RPS6KA2: variants seen among roughly 807,000 people sequenced by gnomAD.
RPS6KA2 encodes ribosomal protein S6 kinase alpha-2.
In RPS6KA2, 42 loss-of-function variants were observed where a neutral mutation model predicts 91.8. That is an observed-to-expected ratio of 0.46 (90% CI 0.36 to 0.59). The LOEUF (loss-of-function observed/expected upper bound fraction) is 0.59, where lower values mean the gene tolerates loss of function less well. RPS6KA2 is among the 20% of genes least tolerant of loss of function. The pLI is 0.00. For synonymous variants in RPS6KA2, 414 were observed against 393.6 expected, an observed-to-expected ratio of 1.05 and a Z score of -0.61; for missense variants, 798 against 978.5, an observed-to-expected ratio of 0.82 and a Z score of 2.46.
intron 2 of RPS6KA2, among the ~76,000 whole-genome samples, chr6:166,797,413 T>C (rs535906999): frequency 6.6e-6 from 1 of 152,152 alleles, no homozygotes; most frequent in Non-Finnish European, 1.5e-5. Context: ...CATGTCTATC[T>C]CTGGACCCCC....
chr6:166,766,739 A>G (rs890365280), intron 2 of RPS6KA2, among the ~76,000 whole-genome samples: 1 of 152,260 alleles, frequency 6.6e-6, no homozygotes, highest in African/African-American at 2.4e-5. Flanking sequence ...AAGCCCACCC[A>G]GTGACTCAAG....
At chr6:166,837,070 C>T (rs1780336906) in intron 2 of RPS6KA2, among the ~76,000 whole-genome samples, 1 of 152,190 alleles carries the variant, frequency 6.6e-6, no homozygotes, top group Non-Finnish European at 1.5e-5. Context: ...CTGGCCACAG[C>T]CGGCTCTTCA....
chr6:166,479,720 A>G (rs1226317836), intron 10 of RPS6KA2, among the ~76,000 whole-genome samples: 1 of 152,240 alleles, frequency 6.6e-6, no homozygotes, highest in East Asian at 1.9e-4. Context: ...ATTGGCATGA[A>G]TGAGGTGAAA....
At position 166,821,317 on chromosome 6, in the gene RPS6KA2, A is replaced by G. The variant is rs1426238722; in HGVS notation, c.123+36883T>C. 6.6e-6 allele frequency among the ~76,000 whole-genome samples: 1 copy of G among 151,334 alleles called. No homozygotes were observed. Among genetic ancestry groups the G allele is most frequent in the Non-Finnish European group, 1.5e-5 (1 of 67,954 alleles). On this transcript the variant is annotated intron_variant, in intron 2 of 21. Transcript: ENST00000503859. This position sits in a 1 kb window ranked among gnomAD's most constrained non-coding sequence, Gnocchi z 4.1. ...CCCAGGAGTGACAAATCAGCCTTCA[A>G]TTCCCTCTGGGGAGGGGCCTGGTTG...
Position 166,412,643 on chromosome 6 carries a change from G to T in RPS6KA2, c.*119C>A. Reference sequence around the variant, plus strand: ...AAAAGAAAACACGGACACGGCGAGGGCGGGCGCCGCCTCCCTGCTGGACTT... The same window carrying T: ...AAAAGAAAACACGGACACGGCGAGGTCGGGCGCCGCCTCCCTGCTGGACTT... On this transcript the variant is annotated 3_prime_UTR_variant, in exon 21 of 21. Transcript: ENST00000265678. This position sits in a 1 kb window ranked among gnomAD's most constrained non-coding sequence, Gnocchi z 4.3. The T allele has an allele frequency of 2.9e-6, 3 of 1,032,224 alleles. No individual in the cohort carries two copies. Among genetic ancestry groups the T allele is most frequent in the Non-Finnish European group, 4.1e-6 (3 of 733,402 alleles). The allele number at this position is 1,032,224 out of a possible 1,614,324, so 63.9% of individuals were successfully genotyped here.
At chr6:166,582,946 C>G (rs1014504006) in intron 1 of RPS6KA2, among the ~76,000 whole-genome samples, 3 of 152,122 alleles carry the variant, frequency 2.0e-5, no homozygotes, top group African/African-American at 7.2e-5. Context: ...AGAAAAATAA[C>G]TCACTATATT....
In RPS6KA2 at chr6:166,852,034, C is replaced by T. The variant is rs555388185; in HGVS notation, c.123+6166G>A. ...CCATGAAGCCAATGTTATTCTCACC[C>T]GCTCCACAGTGCGTCTAAACACAGA... is the stretch of plus-strand genomic sequence containing the variant. On this transcript the variant is annotated intron_variant, in intron 2 of 21. Coordinates refer to the RPS6KA2 transcript ENST00000503859. The surrounding 1 kb of genome is among the most constrained non-coding windows in gnomAD (Gnocchi z 4.1). Among the ~76,000 whole-genome samples the T allele has an allele frequency of 5.3e-5, 8 of 152,280 alleles. No homozygotes were observed. Among genetic ancestry groups the T allele is most frequent in the African/African-American group, 1.2e-4 (5 of 41,552 alleles).
Position 166,500,931 on chromosome 6 carries a change from G to T in RPS6KA2, c.567-7C>A, listed in dbSNP as rs1782004449. On this transcript the variant is annotated splice_region_variant and splice_polypyrimidine_tract_variant and intron_variant, in intron 6 of 20. Coordinates refer to ENST00000265678, the MANE Select transcript of RPS6KA2 (RefSeq NM_021135.6). The surrounding 1 kb of genome is among the most constrained non-coding windows in gnomAD (Gnocchi z 4.3). ...CTCTTCATCCAGGAGGATGCTAAAA[G>T]AAAGGGAGAGAAAACAGATGCTTTA... 4 of 1,613,506 alleles carry T rather than the reference G, an allele frequency of 2.5e-6. No individual in the cohort carries two copies. Among genetic ancestry groups the T allele is most frequent in the Middle Eastern group, 1.7e-4 (1 of 6,024 alleles).
rs532954340 is a variant in RPS6KA2, at chr6:166,852,250, A to G, written c.123+5950T>C. Among the ~76,000 whole-genome samples, 43 of 152,336 alleles carry G rather than the reference A, an allele frequency of 2.8e-4. No individual in the cohort carries two copies. In the South Asian group the frequency reaches 3.9e-3, roughly 14 times the overall value. On this transcript the variant is annotated intron_variant, in intron 2 of 21. Transcript: ENST00000503859. This position sits in a 1 kb window ranked among gnomAD's most constrained non-coding sequence, Gnocchi z 4.1. ...ACACCAGCTTTCAGAGACGCCACAG[A>G]GACAGATTCACAGGAGGTAATAAGC...
chr6:166,689,338 C>T (rs966535553), intron 2 of RPS6KA2, among the ~76,000 whole-genome samples: 7 of 152,250 alleles, frequency 4.6e-5, no homozygotes, highest in Admixed American at 4.6e-4. Flanking sequence ...ACTCCTGCAG[C>T]GTTAGCAGAA....
At chr6:166,778,811 C>T (rs1052231866) in intron 2 of RPS6KA2, among the ~76,000 whole-genome samples, 7 of 152,162 alleles carry the variant, frequency 4.6e-5, no homozygotes, top group Admixed American at 2.0e-4. Flanking sequence ...TAATAAGATG[C>T]GTCCACTCCT....
intron 1 of RPS6KA2, among the ~76,000 whole-genome samples, chr6:166,550,994 C>CAAA (rs58796308): frequency 0.07 from 7,441 of 106,254 alleles, 409 homozygotes; most frequent in Middle Eastern, 0.16. Context: ...GACTCTATCT[C>CAAA]AAAAAAAAAA....
chr6:166,510,145 C>G, intron 4 of RPS6KA2, 132 bp downstream of exon 4: 1 of 483,362 alleles, frequency 2.1e-6, no homozygotes, highest in Non-Finnish European at 3.7e-6. Flanking sequence ...ACCTTCCTCC[C>G]CAGGCAGGGC....
chr6:166,791,558 G>A (rs62438748), intron 2 of RPS6KA2, among the ~76,000 whole-genome samples: 46 of 144,844 alleles, frequency 3.2e-4, no homozygotes, highest in South Asian at 1.4e-3. Context: ...TCAACAGAAT[G>A]TACATTCTTC....
chr6:166,430,578 T>C lies in RPS6KA2; in HGVS notation c.1456A>G (p.Met486Val). Residue 486 changes from methionine (M) to valine (V), a missense_variant, in exon 16 of 21, where the codon ATG (methionine) becomes GTG (valine). By Grantham distance (21) the Met-to-Val change is conservative. Transcript: ENST00000265678. The part of the protein sequence containing the change: ...YDDGKFVYLV[M>V]ELMRGGELLD... ...AGCTCCCCACCACGCATCAGCTCCA[T>C]TACCAGGTACACAAACTTGCCATCA... The C allele has an allele frequency of 6.2e-7, 1 of 1,613,780 alleles. No homozygotes were observed. The highest frequency in any genetic ancestry group is 2.2e-5 in the East Asian group (1 of 44,822).
intron 3 of RPS6KA2, among the ~76,000 whole-genome samples, chr6:166,512,828 C>CT (rs1351169177): frequency 1.3e-5 from 2 of 152,246 alleles, no homozygotes; most frequent in African/African-American, 2.4e-5. Flanking sequence ...CACTGTGCCG[C>CT]TTCAGGTGTC....
intron 1 of RPS6KA2, among the ~76,000 whole-genome samples, chr6:166,604,144 C>T (rs1011948227): frequency 1.3e-5 from 2 of 152,184 alleles, no homozygotes; most frequent in African/African-American, 4.8e-5. Flanking sequence ...AGCAACTCTA[C>T]GTAAAATGCA....
intron 2 of RPS6KA2, among the ~76,000 whole-genome samples, chr6:166,742,734 C>T (rs144355938): frequency 6.6e-6 from 1 of 152,348 alleles, no homozygotes; most frequent in East Asian, 1.9e-4. Context: ...ATAATGTCTG[C>T]TCAATGCATC....
intron 11 of RPS6KA2, among the ~76,000 whole-genome samples, chr6:166,461,370 C>T (rs1051809675): frequency 6.6e-5 from 10 of 152,050 alleles, no homozygotes; most frequent in Admixed American, 3.3e-4. Context: ...CCCAGGCCAT[C>T]GGGTGCCACG....
Sources: gnomAD v4.1 joint callset for allele counts (sites outside exome capture counted in the v4.1 genomes callset) on GRCh38, gnomAD v4.1.1 for gene constraint, Gnocchi (gnomAD v3.1) non-coding constraint, MANE v1.5 for transcripts, NCBI Gene and HGNC (gene_info 2026-07-23, HGNC 2026-07-21) for gene names.